Variants in ALDH1L1 observed in about 807,000 individuals in gnomAD.
ALDH1L1 encodes the protein cytosolic 10-formyltetrahydrofolate dehydrogenase.
A neutral mutation model predicts 101.1 loss-of-function variants in ALDH1L1; 68 were observed. That is an observed-to-expected ratio of 0.67 (90% CI 0.55 to 0.82). The LOEUF (loss-of-function observed/expected upper bound fraction) is 0.82, where lower values mean the gene tolerates loss of function less well. Ranked by LOEUF, ALDH1L1 falls within the 40% of genes least tolerant of loss-of-function variation. The pLI is 0.00. For synonymous variants in ALDH1L1, 486 were observed against 470.8 expected, an observed-to-expected ratio of 1.03 and a Z score of -0.42; for missense variants, 1,087 against 1,172.7, an observed-to-expected ratio of 0.93 and a Z score of 1.07.
At chr3:126,192,177 G>A (rs770816074) in intron 1 of ALDH1L1, among the ~76,000 whole-genome samples, 24 of 152,248 alleles carry the variant, frequency 1.6e-4, no homozygotes, top group East Asian at 3.9e-4. Context: ...TTAAGTGCTC[G>A]TAAATCGTGA....
intron 4 of ALDH1L1, 88 bp from the exon 5 acceptor site, chr3:126,155,591 C>T: frequency 8.7e-7 from 1 of 1,150,656 alleles, no homozygotes; most frequent in Non-Finnish European, 1.2e-6. Flanking sequence ...TGGACCCTTC[C>T]CCAGACTGAC....
intron 16 of ALDH1L1, among the ~76,000 whole-genome samples, chr3:126,119,416 C>T (rs569159984): frequency 6.6e-6 from 1 of 152,352 alleles, no homozygotes; most frequent in East Asian, 1.9e-4. Flanking sequence ...CTTCTCCTGG[C>T]AGCCATTTGG....
intron 15 of ALDH1L1, among the ~76,000 whole-genome samples, chr3:126,124,991 T>G (rs2080152793): frequency 6.6e-6 from 1 of 152,184 alleles, no homozygotes; most frequent in Admixed American, 6.5e-5. Flanking sequence ...TGCCATGTCA[T>G]GCACCATCCT....
intron 11 of ALDH1L1, among the ~76,000 whole-genome samples, 171 bp downstream of exon 11, chr3:126,136,593 C>T (rs946787355): frequency 6.6e-6 from 1 of 152,108 alleles, no homozygotes; most frequent in Non-Finnish European, 1.5e-5. Flanking sequence ...CTCTCCACTC[C>T]ACTCCAGTAA....
At chr3:126,135,442 G>C (rs1354235109) in intron 12 of ALDH1L1, 93 bp downstream of exon 12, 1 of 1,539,698 alleles carries the variant, frequency 6.5e-7, no homozygotes, top group South Asian at 1.2e-5. Context: ...AGCTCCTCCT[G>C]GCAGGTAAAA....
intron 1 of ALDH1L1, among the ~76,000 whole-genome samples, chr3:126,188,914 G>A (rs572129962): frequency 6.6e-6 from 1 of 152,194 alleles, no homozygotes; most frequent in Non-Finnish European, 1.5e-5. Context: ...AATGAAGAGT[G>A]CACCCATTTT....
At chr3:126,183,811 C>T (rs1190617370), upstream of ALDH1L1, among the ~76,000 whole-genome samples, 2 of 152,088 alleles carry the variant, frequency 1.3e-5, no homozygotes, top group African/African-American at 4.8e-5. Context: ...GGAATAATAC[C>T]CCAGGTGCTT....
chr3:126,137,458 A>G (rs2080470559), intron 10 of ALDH1L1, among the ~76,000 whole-genome samples: 1 of 152,214 alleles, frequency 6.6e-6, no homozygotes. Flanking sequence ...TTCCTTAAAA[A>G]ACAGATTTTC....
Position 126,154,599 on chromosome 3 carries a change from G to C in ALDH1L1, c.675C>G (p.Arg225=), listed in dbSNP as rs567115373. 6.2e-6 allele frequency: 10 copies of C among 1,614,050 alleles called. No individual in the cohort carries two copies. Among genetic ancestry groups the C allele is most frequent in the African/African-American group, 1.3e-5 (1 of 74,930 alleles). Residue 225 remains arginine (R), a synonymous_variant, in exon 6 of 23, where the codon CGC becomes CGG. Transcript: ENST00000393434. Reference sequence around the variant, plus strand: ...AGGCTCCCGGCACCTTGTCGTTCCCGCGGATCCAGTTGTGAATGGCCTCTG... The same window carrying C: ...AGGCTCCCGGCACCTTGTCGTTCCCCCGGATCCAGTTGTGAATGGCCTCTG... ...QPAEAIHNWI[R]GNDKVPGAWT...
intron 1 of ALDH1L1, among the ~76,000 whole-genome samples, chr3:126,187,105 G>T (rs956103103): frequency 2.0e-5 from 3 of 152,124 alleles, no homozygotes; most frequent in African/African-American, 4.8e-5. Context: ...GGAAGGGGAA[G>T]GTAACAAGAG....
intron 9 of ALDH1L1, among the ~76,000 whole-genome samples, chr3:126,140,826 C>CA (rs76633409): frequency 0.22 from 33,979 of 151,070 alleles, 4,652 homozygotes; most frequent in African/African-American, 0.39. Context: ...TGATACACTA[C>CA]AAAAAAAATT....
In ALDH1L1 at chr3:126,157,502, G is replaced by A. The variant is rs2080938498; in HGVS notation, c.369C>T (p.Leu123=). The change falls in exon 4 of 23, where the codon CTC becomes CTT. Residue 123 remains leucine (L), a synonymous_variant. Transcript: ENST00000393434. Reference sequence around the variant, plus strand: ...ACCCCCCTTTCTTATCTCCGTGAATGAGGGTCCTAGGAAGCAGAAGAGTGA... The same window carrying A: ...ACCCCCCTTTCTTATCTCCGTGAATAAGGGTCCTAGGAAGCAGAAGAGTGA... ...HRGASAINWT[L]IHGDKKGGFS... is the part of the protein sequence containing the mutation. 1.2e-6 allele frequency: 2 copies of A among 1,613,626 alleles called. No homozygotes were observed. The highest frequency in any genetic ancestry group is 1.3e-5 in the African/African-American group (1 of 74,914).
chr3:126,188,813 G>A (rs2081535797), intron 1 of ALDH1L1, among the ~76,000 whole-genome samples: 1 of 152,244 alleles, frequency 6.6e-6, no homozygotes, highest in Non-Finnish European at 1.5e-5. Flanking sequence ...TGACTATTGG[G>A]AGCATGATAC....
chr3:126,172,482 TA>T (rs143434777), intron 1 of ALDH1L1, among the ~76,000 whole-genome samples: 4,205 of 152,100 alleles, frequency 0.028, 173 homozygotes, highest in African/African-American at 0.094. Context: ...GTTGAGGAAA[TA>T]ATCAATGAGA....
intron 8 of ALDH1L1, among the ~76,000 whole-genome samples, chr3:126,147,805 T>C (rs2080725968): frequency 6.6e-6 from 1 of 152,124 alleles, no homozygotes. Context: ...CTTTCTTTCT[T>C]GGAAAAATGT....
Position 126,115,827 on chromosome 3 carries a change from G to A in ALDH1L1, c.1983-1171C>T, listed in dbSNP as rs373733244. On this transcript the variant is annotated intron_variant, in intron 17 of 22. Coordinates refer to ENST00000393434, the MANE Select transcript of ALDH1L1 (RefSeq NM_012190.4). ...TGACCTCAGGTGATCTGCCCACCTC[G>A]GCCTCCCAAAATGCTGGGATTACAG... Among the ~76,000 whole-genome samples the A allele has an allele frequency of 8.6e-4, 130 of 151,544 alleles. 2 individuals carry two copies. The highest frequency in any genetic ancestry group is 2.8e-3 in the African/African-American group (115 of 41,344).
At chr3:126,178,965 G>T (rs1014888762) in intron 1 of ALDH1L1, among the ~76,000 whole-genome samples, 1 of 151,718 alleles carries the variant, frequency 6.6e-6, no homozygotes, top group African/African-American at 2.4e-5. Flanking sequence ...AGAGTATGTC[G>T]TTCCCCCCCT....
chr3:126,180,413 C>T, intron 1 of ALDH1L1, 63 bp downstream of exon 1: 2 of 983,820 alleles, frequency 2.0e-6, no homozygotes, highest in African/African-American at 3.5e-5. Context: ...GCCCCCGGAG[C>T]TGCAGCCGGG....
intron 16 of ALDH1L1, among the ~76,000 whole-genome samples, chr3:126,120,780 G>GTAA (rs1177488754): frequency 6.6e-6 from 1 of 152,164 alleles, no homozygotes; most frequent in East Asian, 1.9e-4. Context: ...CTATTTACTA[G>GTAA]TAATAATAAT....
Sources: gnomAD v4.1 joint callset for allele counts (sites outside exome capture counted in the v4.1 genomes callset) on GRCh38, gnomAD v4.1.1 for gene constraint, MANE v1.5 for transcripts, NCBI Gene and HGNC (gene_info 2026-07-23, HGNC 2026-07-21) for gene names.